Variants in RPTOR observed in about 807,000 individuals in gnomAD.
RPTOR encodes regulatory-associated protein of mTOR.
A neutral mutation model predicts 169.9 loss-of-function variants in RPTOR; 21 were observed. The observed-to-expected ratio is 0.12, with a 90% CI of 0.09 to 0.18. The LOEUF is 0.18. Among genes scored for constraint, RPTOR ranks in the 10% least tolerant of loss-of-function variants. The probability of loss-of-function intolerance (pLI) is 1.00; values close to 1 mark genes in which losing one functional copy is unlikely to be tolerated. For missense variants in RPTOR, 1,133 were observed against 1,855.9 expected (o/e 0.61, Z 7.16); for synonymous variants, 732 against 753.2 (o/e 0.97, Z 0.46).
chr17:80,646,434 G>A lies in RPTOR; in HGVS notation c.348+2624G>A, dbSNP rs561690672. 1.7e-3 allele frequency among the ~76,000 whole-genome samples: 255 copies of A among 152,242 alleles called. No individual in the cohort carries two copies. The highest frequency in any genetic ancestry group is 2.5e-3 in the Non-Finnish European group (169 of 68,008). On this transcript the variant is annotated intron_variant, in intron 3 of 33. Transcript: ENST00000306801. This position sits in a 1 kb window ranked among gnomAD's most constrained non-coding sequence, Gnocchi z 5.0. The stretch of plus-strand genomic sequence containing the variant: ...ACACTGCTCCTCACAGCTTTCCGTG[G>A]GTTACAGGACAGAGGGAGGGAGGCC...
chr17:80,832,254 C>T (rs897739911), intron 9 of RPTOR, among the ~76,000 whole-genome samples: 2 of 152,222 alleles, frequency 1.3e-5, no homozygotes, highest in Non-Finnish European at 2.9e-5. Flanking sequence ...CATAGGCTGC[C>T]GTGGCCCCAG....
intron 4 of RPTOR, among the ~76,000 whole-genome samples, chr17:80,717,168 A>C (rs571026833): frequency 3.4e-4 from 52 of 152,288 alleles, no homozygotes; most frequent in African/African-American, 1.3e-3. Flanking sequence ...CTGAAATGTC[A>C]TCTGATCACC....
rs61269483 is a variant in RPTOR, at chr17:80,942,192, C to G, written c.3025+1591C>G. ...GCTGTTTTCCTGGAGGTTAGCGATT[C>G]TCTAGGACCCCAGCCTGCTAGCTGG... On this transcript the variant is annotated intron_variant, in intron 25 of 33. Transcript: ENST00000306801. Among the ~76,000 whole-genome samples, 1,135 of 151,848 alleles carry G rather than the reference C, an allele frequency of 7.5e-3. 24 individuals are homozygous for G. The highest frequency in any genetic ancestry group is 0.026 in the African/African-American group (1,084 of 41,366).
In RPTOR at chr17:80,964,409, G is replaced by A. The variant is rs979593605; in HGVS notation, c.*79G>A. On this transcript the variant is annotated 3_prime_UTR_variant, in exon 34 of 34. Coordinates refer to ENST00000306801, the MANE Select transcript of RPTOR (RefSeq NM_020761.3). Reference sequence around the variant, plus strand: ...GTCACTCGCCGGGGCACGGGGCGTCGGCTGCTGCGGCCCCGCAGTGTGAAC... The same window carrying A: ...GTCACTCGCCGGGGCACGGGGCGTCAGCTGCTGCGGCCCCGCAGTGTGAAC... The A allele has an allele frequency of 4.2e-5, 59 of 1,395,272 alleles. No individual in the cohort carries two copies. The Middle Eastern group carries it at 1.6e-3, about 37-fold the overall frequency. The allele number at this position is 1,395,272 out of a possible 1,614,324, so 86.4% of individuals were successfully genotyped here. A position where few individuals can be genotyped will look rare whatever the true frequency, so the allele number is the denominator to read the frequency against.
At chr17:80,857,047 T>A (rs894797501) in intron 12 of RPTOR, among the ~76,000 whole-genome samples, 2 of 152,184 alleles carry the variant, frequency 1.3e-5, no homozygotes. Context: ...TGGAAGGTGA[T>A]ACCTTTAGGA....
chr17:80,552,107 G>T (rs2084353297), intron 1 of RPTOR, among the ~76,000 whole-genome samples: 1 of 152,132 alleles, frequency 6.6e-6, no homozygotes, highest in African/African-American at 2.4e-5. Context: ...AGAATAAAAT[G>T]GAGTCTCCTA....
rs994685108 is a variant in RPTOR at position 80,708,939 on chromosome 17, G to A, written c.507+940G>A. 2.0e-6 allele frequency: 2 copies of A among 985,808 alleles called. No individual in the cohort carries two copies. Among genetic ancestry groups the A allele is most frequent in the Non-Finnish European group, 2.4e-6 (2 of 829,930 alleles). The allele number at this position is 985,808 out of a possible 1,614,324, so 61.1% of individuals were successfully genotyped here. On this transcript the variant is annotated intron_variant, in intron 4 of 33. Coordinates refer to ENST00000306801, the MANE Select transcript of RPTOR (RefSeq NM_020761.3). This position sits in a 1 kb window ranked among gnomAD's most constrained non-coding sequence, Gnocchi z 4.2. Reference sequence around the variant, plus strand: ...GTGGACACCGCCTCCTGCCATCATAGTGAGGACTCTGACTCCGTTTCTTCA... The same window carrying A: ...GTGGACACCGCCTCCTGCCATCATAATGAGGACTCTGACTCCGTTTCTTCA...
At chr17:80,750,556 G>A (rs1445934830) in intron 5 of RPTOR, among the ~76,000 whole-genome samples, 1 of 152,174 alleles carries the variant, frequency 6.6e-6, no homozygotes, top group Non-Finnish European at 1.5e-5. Context: ...CCAGCACCAG[G>A]CACACATGGC....
At chr17:80,775,204 T>G (rs2066882133) in intron 6 of RPTOR, among the ~76,000 whole-genome samples, 1 of 152,258 alleles carries the variant, frequency 6.6e-6, no homozygotes, top group African/African-American at 2.4e-5. Context: ...CCTTCTTGTT[T>G]TCAGCCATTT....
At chr17:80,798,368 A>G (rs1285578195) in intron 7 of RPTOR, among the ~76,000 whole-genome samples, 2 of 151,910 alleles carry the variant, frequency 1.3e-5, no homozygotes, top group Non-Finnish European at 2.9e-5. Context: ...GGGCCACGCC[A>G]CCTCCCAGGG....
intron 7 of RPTOR, among the ~76,000 whole-genome samples, chr17:80,793,263 C>T (rs925080876): frequency 2.0e-5 from 3 of 152,168 alleles, no homozygotes; most frequent in Non-Finnish European, 4.4e-5. Context: ...TGAACAAATT[C>T]GAAATCCGAA....
In RPTOR at chr17:80,754,308, C is replaced by A; in HGVS notation, c.830+123C>A. 1 of 954,528 alleles carries A rather than the reference C, an allele frequency of 1.0e-6. No homozygotes were observed. The highest frequency in any genetic ancestry group is 1.6e-6 in the Non-Finnish European group (1 of 644,150). The allele number at this position is 954,528 out of a possible 1,614,324, so 59.1% of individuals were successfully genotyped here. A position where few individuals can be genotyped will look rare whatever the true frequency, so the allele number is the denominator to read the frequency against. On this transcript the variant is annotated intron_variant, in intron 6 of 33. Transcript: ENST00000306801. This position sits in a 1 kb window ranked among gnomAD's most constrained non-coding sequence, Gnocchi z 4.2. ...AGCCCACGTGACAGACATGAGTGTC[C>A]CCGCCTTCTTTTTGTGTCATTCGGG...
intron 20 of RPTOR, among the ~76,000 whole-genome samples, chr17:80,894,945 G>A (rs1303178425): frequency 2.6e-5 from 4 of 152,214 alleles, no homozygotes; most frequent in Admixed American, 1.3e-4. Flanking sequence ...CGCACGATGC[G>A]TGGCCCGCAA....
intron 7 of RPTOR, among the ~76,000 whole-genome samples, chr17:80,807,929 T>G (rs1332001384): frequency 1.3e-5 from 2 of 152,128 alleles, no homozygotes; most frequent in African/African-American, 4.8e-5. Flanking sequence ...GAAAACATGC[T>G]CCTGGCTGGA....
At chr17:80,548,759 G>A (rs746060011) in intron 1 of RPTOR, among the ~76,000 whole-genome samples, 2 of 152,148 alleles carry the variant, frequency 1.3e-5, no homozygotes, top group South Asian at 2.1e-4. Flanking sequence ...TGTGCTGGAC[G>A]TAGCCTCCAG....
intron 3 of RPTOR, among the ~76,000 whole-genome samples, chr17:80,669,470 C>T (rs570595430): frequency 2.8e-4 from 43 of 152,324 alleles, no homozygotes; most frequent in Admixed American, 1.5e-3. Flanking sequence ...CCGCAACCTC[C>T]GCCTCCCAGG....
chr17:80,841,125 A>ACCGCACGGCAGCTCACT (rs2067642737), intron 10 of RPTOR, among the ~76,000 whole-genome samples: 2 of 26,316 alleles, frequency 7.6e-5, no homozygotes, highest in Non-Finnish European at 1.2e-4. Context: ...CGCAGCTCAC[A>ACCGCACGGCAGCTCACT]CTCACCGCAC....
chr17:80,793,231 A>G (rs1030444290), intron 7 of RPTOR, among the ~76,000 whole-genome samples: 3 of 152,238 alleles, frequency 2.0e-5, no homozygotes, highest in Non-Finnish European at 4.4e-5. Context: ...ACTGGTAAGT[A>G]TAATGCAGAT....
chr17:80,935,681 C>CT (rs2068947074), intron 24 of RPTOR, among the ~76,000 whole-genome samples: 1 of 152,100 alleles, frequency 6.6e-6, no homozygotes, highest in Non-Finnish European at 1.5e-5. Context: ...AGAAGAACCT[C>CT]GATCAGTACT....
Sources: allele counts gnomAD v4.1 joint callset (sites outside exome capture counted in the v4.1 genomes callset), GRCh38; gene constraint gnomAD v4.1.1; non-coding constraint Gnocchi (gnomAD v3.1); transcripts MANE v1.5; gene names NCBI Gene and HGNC (gene_info 2026-07-23, HGNC 2026-07-21).